LRCH3: variants seen among roughly 807,000 people sequenced by gnomAD.
The protein encoded by LRCH3 is leucine rich repeats and calponin homology domain containing 3, also known as DISP complex protein LRCH3.
In LRCH3, 68 loss-of-function variants were observed where a neutral mutation model predicts 104.5. The observed-to-expected ratio is 0.65, with a 90% CI of 0.54 to 0.80. The LOEUF is 0.80. Among genes scored for constraint, LRCH3 ranks in the 30% least tolerant of loss-of-function variants. LRCH3 has a pLI of 0.00. For synonymous variants in LRCH3, 344 were observed against 361.3 expected (o/e 0.95, Z 0.54); for missense variants, 951 against 953.9 (o/e 1.00, Z 0.04).
chr3:197,822,838 C>G (rs1222398820), intron 4 of LRCH3: 1 of 146,192 alleles, frequency 6.8e-6, no homozygotes, highest in East Asian at 2.0e-4. Flanking sequence ...GAGACGGAGT[C>G]TCACTCTGTC....
rs1246214751 is a variant in LRCH3, at chr3:197,886,789, A to C, written c.*3123A>C. The C allele has an allele frequency of 7.0e-6, 1 of 141,938 alleles. No homozygotes were observed. Among genetic ancestry groups the C allele is most frequent in the Non-Finnish European group, 1.5e-5 (1 of 66,614 alleles). The allele number at this position is 141,938 out of a possible 1,614,324, so 8.8% of individuals were successfully genotyped here. A position where few individuals can be genotyped will look rare whatever the true frequency, so the allele number is the denominator to read the frequency against. ...CACTGCACTCCAGCCTGGGCAACAG[A>C]GCGAGACTCTGTCTCAAAAAAAAAA... is the stretch of plus-strand genomic sequence containing the variant. On this transcript the variant is annotated 3_prime_UTR_variant, in exon 21 of 21. Transcript: ENST00000425562.
Position 197,846,275 on chromosome 3 carries a change from C to T in LRCH3, c.1329-1134C>T, listed in dbSNP as rs78302171. On this transcript the variant is annotated intron_variant, in intron 10 of 20. Transcript: ENST00000425562. ...AGAAATAAGCCTGGGTTGGTTGACA[C>T]ACACCTGTAGGCCAGCTGTTCGAAA... Among the ~76,000 whole-genome samples the T allele has an allele frequency of 2.1e-3, 314 of 151,348 alleles. 2 individuals carry two copies. Among genetic ancestry groups the T allele is most frequent in the African/African-American group, 7.3e-3 (300 of 41,208 alleles).
At chr3:197,838,493 A>G (rs1408239296) in intron 9 of LRCH3, among the ~76,000 whole-genome samples, 1 of 152,174 alleles carries the variant, frequency 6.6e-6, no homozygotes, top group Non-Finnish European at 1.5e-5. Context: ...TTTGATTTGT[A>G]GATATCCTTT....
chr3:197,873,458 G>A (rs956100010), intron 19 of LRCH3, among the ~76,000 whole-genome samples: 7 of 152,082 alleles, frequency 4.6e-5, no homozygotes, highest in African/African-American at 1.7e-4. Context: ...AGTGTCGTGT[G>A]GTTCACACTT....
chr3:197,860,913 C>T (rs1230799316), intron 15 of LRCH3, among the ~76,000 whole-genome samples: 1 of 151,822 alleles, frequency 6.6e-6, no homozygotes, highest in African/African-American at 2.4e-5. Context: ...CCTTCCCAGC[C>T]TCCGGTAACC....
Position 197,826,923 on chromosome 3 carries a change from A to G in LRCH3, c.686A>G (p.Lys229Arg), listed in dbSNP as rs764099507. 4 of 1,614,000 alleles carry G rather than the reference A, an allele frequency of 2.5e-6. No individual in the cohort carries two copies. Among genetic ancestry groups the G allele is most frequent in the Non-Finnish European group, 3.4e-6 (4 of 1,180,030 alleles). Residue 229 changes from lysine (K) to arginine (R), a missense_variant, in exon 5 of 21, where the codon AAA becomes AGA. Coordinates refer to ENST00000425562, the MANE Select transcript of LRCH3 (RefSeq NM_001365715.1). ...ATACGGTTAGACTTCTCATGCAATA[A>G]AATTACCACAATCCCTGTTTGTTAT... ...PLIRLDFSCN[K>R]ITTIPVCYRN...
Position 197,824,665 on chromosome 3 carries a change from C to A in LRCH3, c.641-2213C>A, listed in dbSNP as rs535993258. ...CACGGTAACCTCTGCCCCCCCGTCC[C>A]GGGTTCAAGTGATTCTCTGCCTCAG... On this transcript the variant is annotated intron_variant, in intron 4 of 20. Transcript: ENST00000425562. 2.1e-4 allele frequency among the ~76,000 whole-genome samples: 32 copies of A among 150,710 alleles called. 1 individual carries two copies. Among genetic ancestry groups the A allele is most frequent in the Admixed American group, 1.8e-3 (27 of 14,966 alleles).
At position 197,851,865 on chromosome 3, in the gene LRCH3, A is replaced by G. The variant is rs185702673; in HGVS notation, c.1531-696A>G. Among the ~76,000 whole-genome samples, 936 of 152,334 alleles carry G rather than the reference A, an allele frequency of 6.1e-3. 7 individuals are homozygous for G. The highest frequency in any genetic ancestry group is 7.9e-3 in the Non-Finnish European group (539 of 68,024). On this transcript the variant is annotated intron_variant, in intron 12 of 20. Coordinates refer to ENST00000425562, the MANE Select transcript of LRCH3 (RefSeq NM_001365715.1). ...GGTTTGGAGGCTGAAAGATGGTTTC[A>G]AATGAGGGTCTAGCATTGTGGAAAG...
At chr3:197,825,473 T>C (rs1735070179) in intron 4 of LRCH3, among the ~76,000 whole-genome samples, 5 of 83,628 alleles carry the variant, frequency 6.0e-5, no homozygotes, top group Non-Finnish European at 1.2e-4. Flanking sequence ...GATTTTTTTT[T>C]TTTTTTTTTT....
intron 20 of LRCH3, among the ~76,000 whole-genome samples, chr3:197,879,005 G>A (rs953300580): frequency 1.3e-5 from 2 of 152,190 alleles, no homozygotes; most frequent in Admixed American, 1.3e-4. Flanking sequence ...TTAAAGTGTT[G>A]TACAAGTTAA....
At chr3:197,846,935 G>A (rs1023782189) in intron 10 of LRCH3, among the ~76,000 whole-genome samples, 3 of 152,046 alleles carry the variant, frequency 2.0e-5, no homozygotes, top group Admixed American at 2.0e-4. Context: ...AAAAAAACCA[G>A]AATCTTTATT....
At chr3:197,875,814 T>G (rs369711320) in intron 20 of LRCH3, 39 bp downstream of exon 20, 1 of 1,301,622 alleles carries the variant, frequency 7.7e-7, no homozygotes. Flanking sequence ...CTAAATAGAC[T>G]TGGTTGTCCT....
At chr3:197,861,721 C>A (rs1167099326) in intron 15 of LRCH3, among the ~76,000 whole-genome samples, 1 of 151,842 alleles carries the variant, frequency 6.6e-6, no homozygotes, top group Non-Finnish European at 1.5e-5. Context: ...GAGTTTATAT[C>A]AGTTCTGGGT....
At chr3:197,841,767 C>T (rs144595602) in intron 10 of LRCH3, among the ~76,000 whole-genome samples, 1 of 152,216 alleles carries the variant, frequency 6.6e-6, no homozygotes, top group African/African-American at 2.4e-5. Flanking sequence ...TCATTCAGGG[C>T]GTTTAGTCTG....
intron 19 of LRCH3, among the ~76,000 whole-genome samples, chr3:197,873,819 G>A (rs997001249): frequency 2.6e-5 from 4 of 151,930 alleles, no homozygotes; most frequent in African/African-American, 9.7e-5. Flanking sequence ...TCAGGAGTTC[G>A]AGACCATCCT....
chr3:197,824,447 T>C (rs559311915), intron 4 of LRCH3, among the ~76,000 whole-genome samples: 1 of 150,162 alleles, frequency 6.7e-6, no homozygotes, highest in South Asian at 2.1e-4. Flanking sequence ...AATTCCACCC[T>C]CTTTTTCCAG....
At chr3:197,871,252 C>A in intron 18 of LRCH3, 73 bp from the exon 19 acceptor site, 2 of 1,164,010 alleles carry the variant, frequency 1.7e-6, no homozygotes, top group Non-Finnish European at 2.5e-6. Flanking sequence ...AATTAGATTT[C>A]ATTATAACTC....
At chr3:197,825,776 G>A (rs1735134933) in intron 4 of LRCH3, among the ~76,000 whole-genome samples, 1 of 151,970 alleles carries the variant, frequency 6.6e-6, no homozygotes, top group African/African-American at 2.4e-5. Context: ...ACCGCGCCCA[G>A]CTGATTTTTC....
chr3:197,846,329 A>G (rs538881130), intron 10 of LRCH3, among the ~76,000 whole-genome samples: 5 of 146,310 alleles, frequency 3.4e-5, no homozygotes, highest in East Asian at 2.1e-4. Context: ...GCTTGAGGCC[A>G]GGAGGTCGAA....
Sources: allele counts gnomAD v4.1 joint callset (sites outside exome capture counted in the v4.1 genomes callset), GRCh38; gene constraint gnomAD v4.1.1; transcripts MANE v1.5; gene names NCBI Gene and HGNC (gene_info 2026-07-23, HGNC 2026-07-21).